Variants in CCSER2 observed in about 807,000 individuals in gnomAD.
CCSER2 encodes the protein coiled-coil serine rich protein 2.
In CCSER2, 46 loss-of-function variants were observed where a neutral mutation model predicts 92.3. The ratio of observed to expected loss-of-function variants is 0.50; its 90% CI spans 0.39 to 0.64. The LOEUF (loss-of-function observed/expected upper bound fraction) is 0.64. Among genes scored for constraint, CCSER2 ranks in the 30% least tolerant of loss-of-function variants. The probability of loss-of-function intolerance (pLI) is 0.00; values close to 1 mark genes in which losing one functional copy is unlikely to be tolerated. For missense variants in CCSER2, 1,244 were observed against 1,238.9 expected (o/e 1.00, Z -0.06); for synonymous variants, 433 against 431.4 (o/e 1.00, Z -0.04).
At chr10:84,367,717 T>C (rs1454813381) in intron 1 of CCSER2, among the ~76,000 whole-genome samples, 2 of 151,916 alleles carry the variant, frequency 1.3e-5, no homozygotes, top group Non-Finnish European at 2.9e-5. Flanking sequence ...CTTTTTTTTT[T>C]TTTTCTTTCA....
rs1202729580 is a variant in CCSER2, at chr10:84,371,300, A to T, written c.248A>T (p.Asn83Ile). Residue 83 changes from asparagine (N) to isoleucine (I), a missense_variant, in exon 2 of 10, where the codon AAC becomes ATC. Physicochemically the swap from Asn to Ile is moderately radical, Grantham distance 149 (BLOSUM62 -3). Transcript: ENST00000372088. ...QLCAQGVEEPNNTQNSHDKII... is the reference protein window; with the variant it reads ...QLCAQGVEEPINTQNSHDKII... ...TGTGCACAAGGTGTCGAAGAGCCTA[A>T]CAATACTCAAAATTCACATGATAAA... The T allele has an allele frequency of 6.2e-7, 1 of 1,613,696 alleles. No homozygotes were observed. The highest frequency in any genetic ancestry group is 2.2e-5 in the East Asian group (1 of 44,858).
chr10:84,441,736 G>GT lies in CCSER2; in HGVS notation c.2064+3069dup, dbSNP rs869280119. Among the ~76,000 whole-genome samples, 22 of 43,646 alleles carry GT rather than the reference G, an allele frequency of 5.0e-4. 5 individuals are homozygous for GT. The highest frequency in any genetic ancestry group is 8.1e-4 in the Non-Finnish European group (17 of 20,862). The allele number at this position is 43,646 out of a possible 152,430, so 28.6% of individuals were successfully genotyped here. A position where few individuals can be genotyped will look rare whatever the true frequency, so the allele number is the denominator to read the frequency against. ...GAATAAAGTAGAAGACTGGGAAAAT[G>GT]TTTTTTTTTTTTTTTTTTTTTTTTT... On this transcript the variant is annotated intron_variant, in intron 6 of 9. Coordinates refer to ENST00000372088, the MANE Select transcript of CCSER2 (RefSeq NM_001284240.2).
chr10:84,378,671 G>A (rs1263889951), intron 3 of CCSER2, among the ~76,000 whole-genome samples: 4 of 152,078 alleles, frequency 2.6e-5, no homozygotes, highest in South Asian at 2.1e-4. Flanking sequence ...CTGACCTCAG[G>A]TGATCCACCC....
At chr10:84,348,920 T>C (rs370449224) in intron 1 of CCSER2, among the ~76,000 whole-genome samples, 48 of 152,338 alleles carry the variant, frequency 3.2e-4, no homozygotes, top group African/African-American at 1.1e-3. Flanking sequence ...TATATGCATA[T>C]TATGGCCCTT....
intron 3 of CCSER2, among the ~76,000 whole-genome samples, chr10:84,410,891 T>C (rs1187391225): frequency 6.6e-6 from 1 of 152,196 alleles, no homozygotes; most frequent in Non-Finnish European, 1.5e-5. Flanking sequence ...GTTTTTATAG[T>C]TTTGGGTTTT....
rs1843390978 is a variant in CCSER2 at position 84,328,781 on chromosome 10, G to A, written c.-67G>A. 3 of 151,560 alleles carry A rather than the reference G, an allele frequency of 2.0e-5. No individual in the cohort carries two copies. The highest frequency in any genetic ancestry group is 2.0e-4 in the Admixed American group (3 of 15,200). 9.4% of individuals were successfully genotyped at this position (151,560 alleles called of 1,614,324 possible). On this transcript the variant is annotated 5_prime_UTR_variant, in exon 1 of 10. Coordinates refer to ENST00000372088, the MANE Select transcript of CCSER2 (RefSeq NM_001284240.2). ...CAGGGCGGCCTGCAGCTGGGCCGCGGCCGAGGAGGCAGCGCGACCTCCGCA... is the reference window on the plus strand; with the variant it reads ...CAGGGCGGCCTGCAGCTGGGCCGCGACCGAGGAGGCAGCGCGACCTCCGCA...
chr10:84,451,199 A>T (rs1440878151), intron 6 of CCSER2, among the ~76,000 whole-genome samples: 2 of 151,448 alleles, frequency 1.3e-5, no homozygotes, highest in African/African-American at 4.8e-5. Flanking sequence ...ATATGTGCTG[A>T]TGTATTTAGT....
At chr10:84,510,117 T>TA (rs1391551673) in intron 9 of CCSER2, among the ~76,000 whole-genome samples, 2 of 152,206 alleles carry the variant, frequency 1.3e-5, no homozygotes, top group Non-Finnish European at 2.9e-5. Flanking sequence ...ACATGAGTCC[T>TA]AGGAGCTGGC....
intron 3 of CCSER2, among the ~76,000 whole-genome samples, chr10:84,377,723 G>T (rs76988938): frequency 0.022 from 3,277 of 152,216 alleles, 96 homozygotes; most frequent in Admixed American, 0.074. Flanking sequence ...ATTTTGGAGA[G>T]AATTGACATA....
At chr10:84,480,519 A>T (rs1311775439) in intron 9 of CCSER2, among the ~76,000 whole-genome samples, 1 of 152,200 alleles carries the variant, frequency 6.6e-6, no homozygotes, top group Non-Finnish European at 1.5e-5. Flanking sequence ...ACCTCTCATT[A>T]AAAGCATGAA....
chr10:84,385,358 A>G (rs981774757), intron 3 of CCSER2, among the ~76,000 whole-genome samples: 1 of 152,186 alleles, frequency 6.6e-6, no homozygotes, highest in East Asian at 1.9e-4. Context: ...TTCAAACTAT[A>G]CTACAAAGCT....
chr10:84,478,493 T>C (rs1005751290), intron 9 of CCSER2, among the ~76,000 whole-genome samples: 4 of 152,240 alleles, frequency 2.6e-5, no homozygotes, highest in African/African-American at 9.6e-5. Flanking sequence ...CAATTCAGTT[T>C]ATAAAGCTTA....
At position 84,457,266 on chromosome 10, in the gene CCSER2, T is replaced by TAA. The variant is rs1221015076; in HGVS notation, c.2065-6666_2065-6665insAA. Among the ~76,000 whole-genome samples, 28 of 24,492 alleles carry TAA rather than the reference T, an allele frequency of 1.1e-3. 1 individual carries two copies. Among genetic ancestry groups the TAA allele is most frequent in the Non-Finnish European group, 1.5e-3 (24 of 15,644 alleles). 16.1% of individuals were successfully genotyped at this position (24,492 alleles called of 152,430 possible). ...ATATTATATATTATATAAAATATAT[T>TAA]ATATATAATATATTATATATTATAT... On this transcript the variant is annotated intron_variant, in intron 6 of 9. Transcript: ENST00000372088.
At chr10:84,399,946 C>T (rs965773375) in intron 3 of CCSER2, among the ~76,000 whole-genome samples, 11 of 151,496 alleles carry the variant, frequency 7.3e-5, no homozygotes, top group Admixed American at 2.0e-4. Flanking sequence ...TCTTACTGGG[C>T]GTTAAGTGGT....
chr10:84,513,491 G>A lies in CCSER2; in HGVS notation c.2368G>A (p.Asp790Asn), dbSNP rs780654540. The change falls in exon 10 of 10, where the codon GAT (aspartate) becomes AAT (asparagine). Residue 790 changes from aspartate (D) to asparagine (N), a missense_variant. Coordinates refer to ENST00000372088, the MANE Select transcript of CCSER2 (RefSeq NM_001284240.2). ...QPSSSLPRPT[D>N]HTQGKLIKPQ... ...TTCCAGCAGCCTTCCCAGACCCACA[G>A]ATCACACCCAGGGAAAACTAATAAA... 2.7e-5 allele frequency: 43 copies of A among 1,613,774 alleles called. No homozygotes were observed. In the Admixed American group the frequency reaches 2.7e-4, roughly 10 times the overall value.
chr10:84,334,945 G>A (rs769572686), intron 1 of CCSER2, among the ~76,000 whole-genome samples: 1 of 152,152 alleles, frequency 6.6e-6, no homozygotes, highest in Non-Finnish European at 1.5e-5. Context: ...AAGCATGAGG[G>A]ATTACTCCTT....
intron 9 of CCSER2, among the ~76,000 whole-genome samples, chr10:84,492,406 T>C (rs1298595445): frequency 6.6e-6 from 1 of 152,232 alleles, no homozygotes; most frequent in Non-Finnish European, 1.5e-5. Context: ...TTGACCATTA[T>C]GTCATCTGTA....
At chr10:84,500,204 A>G (rs140200152) in intron 9 of CCSER2, among the ~76,000 whole-genome samples, 1 of 152,198 alleles carries the variant, frequency 6.6e-6, no homozygotes, top group Non-Finnish European at 1.5e-5. Flanking sequence ...GTTTAAACCT[A>G]TTGCCAGTGA....
intron 1 of CCSER2, among the ~76,000 whole-genome samples, chr10:84,356,383 G>A (rs1845172666): frequency 6.6e-6 from 1 of 152,140 alleles, no homozygotes; most frequent in Non-Finnish European, 1.5e-5. Context: ...GTTAAGGTAT[G>A]GGTGTCCTAG....
Sources: allele counts gnomAD v4.1 joint callset (sites outside exome capture counted in the v4.1 genomes callset), GRCh38; gene constraint gnomAD v4.1.1; transcripts MANE v1.5; gene names NCBI Gene and HGNC (gene_info 2026-07-23, HGNC 2026-07-21).